Variants in OR52N4 observed in about 807,000 individuals in gnomAD.
The protein encoded by OR52N4 is olfactory receptor 52N4.
A neutral mutation model predicts 15.0 loss-of-function variants in OR52N4; 15 were observed. The observed-to-expected ratio is 1.00, with a 90% CI of 0.67 to 1.54. The LOEUF (loss-of-function observed/expected upper bound fraction) is 1.54. Among genes scored for constraint, OR52N4 ranks in the 40% most tolerant of loss-of-function variants. OR52N4 has a pLI of 0.00. For synonymous variants in OR52N4, 143 were observed against 143.7 expected (o/e 1.00, Z 0.03); for missense variants, 421 against 394.0 (o/e 1.07, Z -0.58).
At chr11:5,744,651 G>A in the OR52N4 span, among the ~76,000 whole-genome samples, 1 of 152,144 alleles carries the variant, frequency 6.6e-6, no homozygotes, top group African/African-American at 2.4e-5. Context: ...GGTGGCTCAC[G>A]CCTGTAATCC....
At chr11:5,728,070 T>G in the OR52N4 span, among the ~76,000 whole-genome samples, 1 of 152,208 alleles carries the variant, frequency 6.6e-6, no homozygotes, top group South Asian at 2.1e-4. Flanking sequence ...CAAGAGAGGT[T>G]AGGAATAACT....
chr11:5,748,414 A>T, the OR52N4 span, among the ~76,000 whole-genome samples: 1 of 151,642 alleles, frequency 6.6e-6, no homozygotes, highest in South Asian at 2.1e-4. Flanking sequence ...ATTATTTTTA[A>T]TTATTGTATC....
the OR52N4 span, among the ~76,000 whole-genome samples, chr11:5,739,990 C>G: frequency 1.6e-5 from 2 of 128,696 alleles, 1 homozygote; most frequent in South Asian, 5.3e-4. Context: ...TTCTCTTTCT[C>G]TTTTCTTGGT....
At chr11:5,751,841 T>A (rs1854198921), upstream of OR52N4, among the ~76,000 whole-genome samples, 1 of 152,174 alleles carries the variant, frequency 6.6e-6, no homozygotes, top group Non-Finnish European at 1.5e-5. Context: ...AATAATTGTT[T>A]GAACAAATCA....
chr11:5,742,624 G>T, the OR52N4 span, among the ~76,000 whole-genome samples: 1 of 152,116 alleles, frequency 6.6e-6, no homozygotes, highest in East Asian at 1.9e-4. Flanking sequence ...TAAAAATTTT[G>T]TGTTCTGCTA....
At chr11:5,737,372 G>A in the OR52N4 span, 1 of 1,614,080 alleles carries the variant, frequency 6.2e-7, no homozygotes, top group Non-Finnish European at 8.5e-7. Flanking sequence ...TCTACTTAAT[G>A]TGTTGCACAA....
the OR52N4 span, among the ~76,000 whole-genome samples, chr11:5,743,217 G>A: frequency 6.6e-6 from 1 of 151,978 alleles, no homozygotes; most frequent in Non-Finnish European, 1.5e-5. Flanking sequence ...TCCAACATCA[G>A]AGCAACCAGT....
rs1488616116 is a variant in OR52N4 at position 5,755,570 on chromosome 11, T to A, written c.830T>A (p.Ile277Asn). 10 of 1,613,764 alleles carry A rather than the reference T, an allele frequency of 6.2e-6. No individual in the cohort carries two copies. Among genetic ancestry groups the A allele is most frequent in the Non-Finnish European group, 7.6e-6 (9 of 1,179,842 alleles). Residue 277 changes from isoleucine to asparagine, a missense_variant, in exon 2 of 2, where the codon ATC (isoleucine) becomes AAC (asparagine). By Grantham distance (149) the Ile-to-Asn change is moderately radical (BLOSUM62 -3). Coordinates refer to ENST00000641350, the MANE Select transcript of OR52N4 (RefSeq NM_001005175.5). ...CACATAATCCCCCCTTCTTGCCACA[T>A]CATTGTAGCCAATATTTATCTGCTC... ...GEHIIPPSCH[I>N]IVANIYLLLP...
At chr11:5,733,640 C>A in the OR52N4 span, among the ~76,000 whole-genome samples, 1 of 152,118 alleles carries the variant, frequency 6.6e-6, no homozygotes. Flanking sequence ...TCTCTCCCCC[C>A]ACCTCAACTA....
chr11:5,729,118 T>C, the OR52N4 span, among the ~76,000 whole-genome samples: 9 of 131,692 alleles, frequency 6.8e-5, no homozygotes, highest in East Asian at 6.4e-4. Flanking sequence ...ATTGAGATTT[T>C]TTTTTTTTTT....
chr11:5,754,169 A>C (rs1854248197), upstream of OR52N4: 1 of 151,992 alleles, frequency 6.6e-6, no homozygotes, highest in African/African-American at 2.4e-5. Flanking sequence ...TTGAGACCCC[A>C]AGCTTCATTG....
the OR52N4 span, chr11:5,736,493 G>C: frequency 6.2e-7 from 1 of 1,608,820 alleles, no homozygotes; most frequent in Non-Finnish European, 8.5e-7. Flanking sequence ...AATACAAATA[G>C]AGATTTGAAA....
At chr11:5,732,884 C>T in the OR52N4 span, among the ~76,000 whole-genome samples, 2 of 152,274 alleles carry the variant, frequency 1.3e-5, no homozygotes, top group Middle Eastern at 3.4e-3. Context: ...TCATTCTCTT[C>T]CCTTATAATC....
At chr11:5,737,495 C>T in the OR52N4 span, 1 of 1,602,468 alleles carries the variant, frequency 6.2e-7, no homozygotes. Flanking sequence ...ATCTTAGAGA[C>T]CTTCTCCATG....
the OR52N4 span, among the ~76,000 whole-genome samples, chr11:5,732,223 T>C: frequency 3.3e-5 from 5 of 152,194 alleles, no homozygotes; most frequent in South Asian, 2.1e-4. Context: ...CAGCATCTGG[T>C]AACCACCATT....
chr11:5,753,618 TA>T (rs1854232584), upstream of OR52N4, among the ~76,000 whole-genome samples: 1 of 152,192 alleles, frequency 6.6e-6, no homozygotes, highest in South Asian at 2.1e-4. Context: ...TTTTTAATTT[TA>T]AATTTTTGTG....
chr11:5,742,048 A>G, the OR52N4 span, among the ~76,000 whole-genome samples: 1 of 152,088 alleles, frequency 6.6e-6, no homozygotes, highest in African/African-American at 2.4e-5. Context: ...CAAGCAGAAT[A>G]GTACATTTCA....
the OR52N4 span, among the ~76,000 whole-genome samples, chr11:5,734,537 T>C: frequency 6.6e-6 from 1 of 152,146 alleles, no homozygotes; most frequent in Non-Finnish European, 1.5e-5. Context: ...TTCTATGTCA[T>C]GCTAGAATAT....
the OR52N4 span, among the ~76,000 whole-genome samples, chr11:5,742,706 C>T: frequency 1.3e-5 from 2 of 152,112 alleles, no homozygotes; most frequent in East Asian, 3.9e-4. Context: ...TGTGTCACCA[C>T]TCTACTGGCC....
Sources: allele counts gnomAD v4.1 joint callset (sites outside exome capture counted in the v4.1 genomes callset), GRCh38; gene constraint gnomAD v4.1.1; transcripts MANE v1.5; gene names NCBI Gene and HGNC (gene_info 2026-07-23, HGNC 2026-07-21).